Variants in KIAA0319 observed in about 807,000 individuals in gnomAD.
KIAA0319 encodes dyslexia-associated protein KIAA0319.
In KIAA0319, 83 loss-of-function variants were observed where a neutral mutation model predicts 108.4. That is an observed-to-expected ratio of 0.77 (90% confidence interval 0.64 to 0.92). The LOEUF is 0.92. Ranked by LOEUF, KIAA0319 falls within the 40% of genes least tolerant of loss-of-function variation. KIAA0319 has a pLI of 0.00. For missense variants in KIAA0319, 1,195 were observed against 1,322.4 expected (o/e 0.90, Z 1.49); for synonymous variants, 484 against 510.4 (o/e 0.95, Z 0.70).
intron 1 of KIAA0319, among the ~76,000 whole-genome samples, chr6:24,617,604 G>T (rs538388563): frequency 1.4e-4 from 22 of 152,290 alleles, no homozygotes; most frequent in Admixed American, 1.4e-3. Flanking sequence ...GAGTTTCATG[G>T]ATGCACAGAG....
At chr6:24,564,439 C>A (rs1055049863) in intron 14 of KIAA0319, 99 bp from the exon 15 acceptor site, 2 of 1,476,674 alleles carry the variant, frequency 1.4e-6, no homozygotes, top group East Asian at 2.3e-5. Context: ...CTTTTTAACA[C>A]AGGCGTGACT....
intron 1 of KIAA0319, among the ~76,000 whole-genome samples, chr6:24,614,250 A>G (rs1002335781): frequency 2.6e-5 from 4 of 152,140 alleles, no homozygotes; most frequent in African/African-American, 7.2e-5. Context: ...AATGCTCCCA[A>G]CTGTGTCTCC....
intron 2 of KIAA0319, chr6:24,598,651 G>A (rs1179244594): frequency 6.7e-6 from 2 of 296,934 alleles, no homozygotes; most frequent in Non-Finnish European, 1.3e-5. Context: ...CGAGGTGGGT[G>A]GATCACCTGA....
At chr6:24,591,185 A>G (rs957432007) in intron 3 of KIAA0319, among the ~76,000 whole-genome samples, 3 of 152,214 alleles carry the variant, frequency 2.0e-5, no homozygotes, top group Non-Finnish European at 4.4e-5. Flanking sequence ...TGTTATGAAC[A>G]TTCATGTACA....
In KIAA0319 at chr6:24,546,805, G is replaced by A. The variant is rs1210982042; in HGVS notation, c.*360C>T. On this transcript the variant is annotated 3_prime_UTR_variant, in exon 21 of 21. Transcript: ENST00000378214. Reference sequence around the variant, plus strand: ...CCTTAGAGGCAATCACAGCAGCTAAGACAGAAATCATCCCTTTTTAAAACC... The same window carrying A: ...CCTTAGAGGCAATCACAGCAGCTAAAACAGAAATCATCCCTTTTTAAAACC... 5.1e-6 allele frequency: 1 copy of A among 197,872 alleles called. No individual in the cohort carries two copies. Among genetic ancestry groups the A allele is most frequent in the East Asian group, 1.2e-4 (1 of 8,544 alleles). The allele number at this position is 197,872 out of a possible 1,614,324, so 12.3% of individuals were successfully genotyped here.
chr6:24,577,736 A>T (rs953780650), intron 9 of KIAA0319, among the ~76,000 whole-genome samples: 1 of 152,204 alleles, frequency 6.6e-6, no homozygotes, highest in African/African-American at 2.4e-5. Context: ...TCTGACAGCA[A>T]ACCAAACATC....
At chr6:24,589,620 G>A (rs1768140756) in intron 3 of KIAA0319, among the ~76,000 whole-genome samples, 1 of 152,176 alleles carries the variant, frequency 6.6e-6, no homozygotes. Flanking sequence ...CTGCTGCCAT[G>A]ACTGTAAGTT....
At chr6:24,562,903 A>C (rs1249555322) in intron 16 of KIAA0319, among the ~76,000 whole-genome samples, 1 of 152,200 alleles carries the variant, frequency 6.6e-6, no homozygotes, top group Non-Finnish European at 1.5e-5. Context: ...AAATACAAAG[A>C]TGTCATGAAA....
chr6:24,610,836 A>C (rs1460375273), intron 1 of KIAA0319, among the ~76,000 whole-genome samples: 1 of 152,200 alleles, frequency 6.6e-6, no homozygotes, highest in Non-Finnish European at 1.5e-5. Context: ...AAACAACCCA[A>C]ACATTCATCA....
intron 1 of KIAA0319, among the ~76,000 whole-genome samples, chr6:24,645,195 C>T (rs1777461402): frequency 6.6e-6 from 1 of 152,150 alleles, no homozygotes; most frequent in South Asian, 2.1e-4. Flanking sequence ...AACATTTCAC[C>T]GACAAACAAA....
chr6:24,619,827 T>C (rs1773675565), intron 1 of KIAA0319, among the ~76,000 whole-genome samples: 2 of 152,210 alleles, frequency 1.3e-5, no homozygotes, highest in African/African-American at 4.8e-5. Flanking sequence ...CTTCTGATCT[T>C]GAGAGTGCCA....
At position 24,554,620 on chromosome 6, in the gene KIAA0319, A is replaced by T; in HGVS notation, c.2869T>A (p.Phe957Ile). ...GTAAAAGCCAACACTGTCACATAGAATATACTCCACTCTGAAACACAAGAA... is the reference window on the plus strand; with the variant it reads ...GTAAAAGCCAACACTGTCACATAGATTATACTCCACTCTGAAACACAAGAA... ...DGESNCEWSI[F>I]YVTVLAFTLI... Residue 957 changes from phenylalanine (F) to isoleucine (I), a missense_variant, in exon 19 of 21, where the codon TTC becomes ATC. By Grantham distance (21) the Phe-to-Ile change is conservative. Transcript: ENST00000378214. The T allele has an allele frequency of 6.2e-7, 1 of 1,612,946 alleles. No individual in the cohort carries two copies. Among genetic ancestry groups the T allele is most frequent in the Non-Finnish European group, 8.5e-7 (1 of 1,179,166 alleles).
Position 24,583,663 on chromosome 6 carries a change from A to G in KIAA0319, c.1034T>C (p.Ile345Thr). ...LTVSAGDNLI[I>T]TLPDNEVELK... ...TTCAACTTCATTGTCGGGTAAAGTTATAATTAGGTTATCTCCAGCCGATAC... is the reference window on the plus strand; with the variant it reads ...TTCAACTTCATTGTCGGGTAAAGTTGTAATTAGGTTATCTCCAGCCGATAC... The change falls in exon 5 of 21, where the codon ATA (isoleucine) becomes ACA (threonine). Residue 345 changes from isoleucine to threonine, a missense_variant. By Grantham distance (89) the Ile-to-Thr change is moderately conservative. Transcript: ENST00000378214. 6.2e-7 allele frequency: 1 copy of G among 1,613,890 alleles called. No homozygotes were observed. Among genetic ancestry groups the G allele is most frequent in the Non-Finnish European group, 8.5e-7 (1 of 1,179,840 alleles).
Position 24,599,725 on chromosome 6 carries a change from T to C in KIAA0319, c.55+1324A>G. 5.3e-6 allele frequency: 3 copies of C among 571,338 alleles called. No individual in the cohort carries two copies. Among genetic ancestry groups the C allele is most frequent in the South Asian group, 5.2e-5 (3 of 58,210 alleles). The allele number at this position is 571,338 out of a possible 1,614,324, so 35.4% of individuals were successfully genotyped here. A position where few individuals can be genotyped will look rare whatever the true frequency, so the allele number is the denominator to read the frequency against. ...ACCAACTCCTTCAGGGCCATGGTTG[T>C]GAAGAAGATCGAGATTTGTGATAGG... is the stretch of plus-strand genomic sequence containing the variant. On this transcript the variant is annotated intron_variant, in intron 2 of 20. Coordinates refer to ENST00000378214, the MANE Select transcript of KIAA0319 (RefSeq NM_014809.4). This position sits in a 1 kb window ranked among gnomAD's most constrained non-coding sequence, Gnocchi z 4.1.
At chr6:24,600,936 A>G (rs1231288301) in intron 2 of KIAA0319, 113 bp downstream of exon 2, 25 of 1,374,184 alleles carry the variant, frequency 1.8e-5, no homozygotes, top group Non-Finnish European at 2.5e-5. Context: ...CTGTAAAATA[A>G]TTCTATTGAA....
At position 24,624,326 on chromosome 6, in the gene KIAA0319, C is replaced by T. The variant is rs376092583; in HGVS notation, c.-106+21410G>A. Reference sequence around the variant, plus strand: ...AAAGTTTGGGATTACAGTTGTGAGCCGCCATGCCAGGCCTTGAATTTCTTT... The same window carrying T: ...AAAGTTTGGGATTACAGTTGTGAGCTGCCATGCCAGGCCTTGAATTTCTTT... On this transcript the variant is annotated intron_variant, in intron 1 of 20. Transcript: ENST00000378214. 1.5e-4 allele frequency among the ~76,000 whole-genome samples: 22 copies of T among 151,342 alleles called. 1 individual carries two copies. The South Asian group carries it at 2.7e-3, about 19-fold the overall frequency.
chr6:24,579,569 C>T (rs1766149305), intron 8 of KIAA0319, among the ~76,000 whole-genome samples: 2 of 148,236 alleles, frequency 1.3e-5, no homozygotes, highest in African/African-American at 5.0e-5. Flanking sequence ...TTTCCAACTG[C>T]TAACCATATA....
At chr6:24,566,019 A>G (rs1377116902) in intron 14 of KIAA0319, among the ~76,000 whole-genome samples, 1 of 152,172 alleles carries the variant, frequency 6.6e-6, no homozygotes. Flanking sequence ...TGTTCAGGAA[A>G]AAGTCAGAAA....
At chr6:24,606,348 C>T (rs1242562019) in intron 1 of KIAA0319, among the ~76,000 whole-genome samples, 1 of 152,188 alleles carries the variant, frequency 6.6e-6, no homozygotes, top group Non-Finnish European at 1.5e-5. Context: ...AGAAGCCTCA[C>T]CCCAGCTGAA....
Sources: gnomAD v4.1 joint callset for allele counts (sites outside exome capture counted in the v4.1 genomes callset) on GRCh38, gnomAD v4.1.1 for gene constraint, Gnocchi (gnomAD v3.1) non-coding constraint, MANE v1.5 for transcripts, NCBI Gene and HGNC (gene_info 2026-07-23, HGNC 2026-07-21) for gene names.